The following AXIN2 variants were observed in gnomAD, a reference collection of about 807,000 sequenced individuals.
AXIN2 encodes the protein axin-2.
Under a neutral mutation model 74.7 loss-of-function variants are expected in AXIN2, and 21 were observed. The observed-to-expected ratio is 0.28, with a 90% confidence interval of 0.20 to 0.40. AXIN2 has a LOEUF of 0.40. Among genes scored for constraint, AXIN2 ranks in the 10% least tolerant of loss-of-function variants. The pLI, the probability that AXIN2 is intolerant of heterozygous loss-of-function variation, is 1.00. For missense variants in AXIN2, 1,144 were observed against 1,111.1 expected, an observed-to-expected ratio of 1.03 and a Z score of -0.42; for synonymous variants, 532 against 454.9, an observed-to-expected ratio of 1.17 and a Z score of -2.16.
chr17:65,557,764 A>G, intron 2 of AXIN2, 42 bp downstream of exon 2: 1 of 1,596,746 alleles, frequency 6.3e-7, no homozygotes. Context: ...AACATCTGCA[A>G]AGTCCACAGC....
chr17:65,537,649 G>GA lies in AXIN2; in HGVS notation c.1386_1387insT (p.Arg463SerfsTer165). 2 of 1,573,328 alleles carry GA rather than the reference G, an allele frequency of 1.3e-6. No individual in the cohort carries two copies. Among genetic ancestry groups the GA allele is most frequent in the Non-Finnish European group, 1.7e-6 (2 of 1,161,592 alleles). On this transcript the variant is annotated frameshift_variant, in exon 6 of 11. Coordinates refer to ENST00000307078, the MANE Select transcript of AXIN2 (RefSeq NM_004655.4). LOFTEE classifies it high-confidence loss of function. ...TGGTGGTGGTCCGGGGAGCGGGAGC[G>GA]GGGGCTATAGCGGCCTACGCCTGGA...
rs1598097941 is a variant in AXIN2 at position 65,537,019 on chromosome 17, G to C, written c.1757C>G (p.Thr586Arg). 1.2e-6 allele frequency: 2 copies of C among 1,610,462 alleles called. No homozygotes were observed. The highest frequency in any genetic ancestry group is 1.8e-4 in the Middle Eastern group (1 of 5,692). The change falls in exon 7 of 11, where the codon ACG (threonine) becomes AGG (arginine). Residue 586 changes from threonine (T) to arginine (R), a missense_variant. By Grantham distance (71) the Thr-to-Arg change is moderately conservative (BLOSUM62 -1). Transcript: ENST00000307078. ...STLPKRNGKGTEPGLALPARE... is the reference protein window; with the variant it reads ...STLPKRNGKGREPGLALPARE... ...GGCGGGCAGGGCCAGGCCCGGCTCCGTGCCTTTCCCATTGCGTTTGGGCAA... is the reference window on the plus strand; with the variant it reads ...GGCGGGCAGGGCCAGGCCCGGCTCCCTGCCTTTCCCATTGCGTTTGGGCAA...
intron 2 of AXIN2, among the ~76,000 whole-genome samples, chr17:65,551,265 G>A (rs1169181854): frequency 1.3e-5 from 2 of 150,156 alleles, no homozygotes; most frequent in African/African-American, 4.9e-5. Flanking sequence ...TCATGGTTGA[G>A]CAGGAATTTG....
intron 5 of AXIN2, 76 bp downstream of exon 5, chr17:65,538,127 C>A (rs561118074): frequency 1.9e-6 from 3 of 1,604,052 alleles, no homozygotes; most frequent in Non-Finnish European, 2.6e-6. Context: ...CCCTAACGCA[C>A]CCCATGCACA....
Position 65,558,715 on chromosome 17 carries a change from G to A in AXIN2, c.-95C>T, listed in dbSNP as rs1396587923. 1.6e-5 allele frequency: 21 copies of A among 1,275,094 alleles called. No homozygotes were observed. The highest frequency in any genetic ancestry group is 2.9e-5 in the African/African-American group (2 of 68,024). 79.0% of individuals were successfully genotyped at this position (1,275,094 alleles called of 1,614,324 possible). Reference sequence around the variant, plus strand: ...TCTCTCTGTCTCTCTCAAGTCAGCAGGGGCTCATCTGAACCTCCTCTCTGG... The same window carrying A: ...TCTCTCTGTCTCTCTCAAGTCAGCAAGGGCTCATCTGAACCTCCTCTCTGG... On this transcript the variant is annotated 5_prime_UTR_variant, in exon 2 of 11. Transcript: ENST00000307078.
At position 65,533,896 on chromosome 17, in the gene AXIN2, G is replaced by A. The variant is rs1247453480; in HGVS notation, c.2405+16C>T. On this transcript the variant is annotated intron_variant, in intron 10 of 10. Coordinates refer to ENST00000307078, the MANE Select transcript of AXIN2 (RefSeq NM_004655.4). ...GCAAACAAACTGAGAGCAGAAAAAA[G>A]CCACAGGACTCTTACCTATAATTTC... is the stretch of plus-strand genomic sequence containing the variant. 5.0e-6 allele frequency: 7 copies of A among 1,403,562 alleles called. No individual in the cohort carries two copies. The highest frequency in any genetic ancestry group is 4.4e-5 in the African/African-American group (3 of 68,160). 86.9% of individuals were successfully genotyped at this position (1,403,562 alleles called of 1,614,324 possible).
In AXIN2 at chr17:65,549,521, C is replaced by T. The variant is rs913060347; in HGVS notation, c.955G>A (p.Val319Ile). The T allele has an allele frequency of 8.7e-6, 14 of 1,612,576 alleles. No individual in the cohort carries two copies. In the African/African-American group the frequency reaches 1.5e-4, roughly 17 times the overall value. ...DDSMSMTDSS[V>I]DGIPPYRVGS... ...CGGAAGGGTGGCCAGGATACTCACA[C>T]ACTGCTGTCCGTCATGGACATGGAA... Residue 319 changes from valine (V) to isoleucine (I), a missense_variant and splice_region_variant, in exon 3 of 11, where the codon GTA (valine) becomes ATA (isoleucine). Around this residue, in one of 4 missense-constraint regions of AXIN2, gnomAD observed 1,053 missense variants for 973.5 expected, o/e 1.08. Coordinates refer to ENST00000307078, the MANE Select transcript of AXIN2 (RefSeq NM_004655.4).
At chr17:65,536,188 A>G (rs1005954919) in intron 8 of AXIN2, 132 bp downstream of exon 8, 17 of 930,476 alleles carry the variant, frequency 1.8e-5, no homozygotes, top group African/African-American at 1.3e-4. Context: ...TTACTCATCC[A>G]TAAGTAATTC....
rs2043776415 is a variant in AXIN2, at chr17:65,529,206, AC to A, written c.*769del. 1 of 234,666 alleles carries A rather than the reference AC, an allele frequency of 4.3e-6. No homozygotes were observed. Among genetic ancestry groups the A allele is most frequent in the Non-Finnish European group, 8.4e-6 (1 of 119,030 alleles). 14.5% of individuals were successfully genotyped at this position (234,666 alleles called of 1,614,324 possible). On this transcript the variant is annotated 3_prime_UTR_variant, in exon 11 of 11. Coordinates refer to ENST00000307078, the MANE Select transcript of AXIN2 (RefSeq NM_004655.4). ...AGGGGGAGCCTCAGTCACAGGATCAACCTGGGGCCCGAAGGAGCAGGGTTCC... is the reference window on the plus strand; with the variant it reads ...AGGGGGAGCCTCAGTCACAGGATCAACTGGGGCCCGAAGGAGCAGGGTTCC...
intron 5 of AXIN2, 25 bp downstream of exon 5, chr17:65,538,178 A>G (rs1412889172): frequency 6.2e-7 from 1 of 1,614,066 alleles, no homozygotes; most frequent in Non-Finnish European, 8.5e-7. Flanking sequence ...GGACGGAAGC[A>G]GGAAGAAGGC....
At chr17:65,547,665 T>C (rs181416527) in intron 3 of AXIN2, among the ~76,000 whole-genome samples, 36 of 152,328 alleles carry the variant, frequency 2.4e-4, no homozygotes, top group Non-Finnish European at 4.4e-4. Flanking sequence ...TGACGTAAAC[T>C]GCATTTGACT....
chr17:65,555,115 A>T (rs2044248684), intron 2 of AXIN2, among the ~76,000 whole-genome samples: 1 of 152,198 alleles, frequency 6.6e-6, no homozygotes, highest in Non-Finnish European at 1.5e-5. Flanking sequence ...GTAAGGACAC[A>T]AACAAGTCGT....
At chr17:65,546,095 GCCAGCCCCCCTCC>G (rs2044114674) in intron 3 of AXIN2, among the ~76,000 whole-genome samples, 1 of 118,630 alleles carries the variant, frequency 8.4e-6, no homozygotes, top group South Asian at 3.2e-4. Context: ...CAGCAGGGCA[GCCAGCCCCCCTCC>G]CCAGCCCCTC....
intron 10 of AXIN2, among the ~76,000 whole-genome samples, chr17:65,531,515 A>C (rs943479901): frequency 6.6e-6 from 1 of 152,064 alleles, no homozygotes; most frequent in South Asian, 2.1e-4. Context: ...ACTTCTCCAC[A>C]TAAGAGGCTC....
intron 7 of AXIN2, 155 bp from the exon 8 acceptor site, chr17:65,536,708 G>T: frequency 7.2e-7 from 1 of 1,390,342 alleles, no homozygotes; most frequent in Non-Finnish European, 1.0e-6. Context: ...GCCAAAACAT[G>T]ACATTTTTGT....
rs1014855196 is a variant in AXIN2, at chr17:65,529,884, T to C, written c.*92A>G. The C allele has an allele frequency of 6.8e-5, 109 of 1,606,624 alleles. No homozygotes were observed. Among genetic ancestry groups the C allele is most frequent in the Non-Finnish European group, 9.1e-5 (107 of 1,175,852 alleles). ...TTTGTCTTCTTCATTGGTTTAATTT[T>C]CCTTCAAAATGTTTTGTCGCAGTTG... is the stretch of plus-strand genomic sequence containing the variant. On this transcript the variant is annotated 3_prime_UTR_variant, in exon 11 of 11. Coordinates refer to ENST00000307078, the MANE Select transcript of AXIN2 (RefSeq NM_004655.4).
intron 5 of AXIN2, 52 bp from the exon 6 acceptor site, chr17:65,537,887 G>T: frequency 6.7e-7 from 1 of 1,497,138 alleles, no homozygotes; most frequent in East Asian, 2.4e-5. Context: ...AGAAGGGCCA[G>T]AGGCCCTGGG....
chr17:65,553,344 A>C (rs2044220510), intron 2 of AXIN2, among the ~76,000 whole-genome samples: 1 of 152,148 alleles, frequency 6.6e-6, no homozygotes, highest in East Asian at 1.9e-4. Flanking sequence ...ACACCAAAAA[A>C]GCCAAAACAG....
Position 65,558,731 on chromosome 17 carries a change from T to C in AXIN2, c.-111A>G. 1 of 1,120,564 alleles carries C rather than the reference T, an allele frequency of 8.9e-7. No individual in the cohort carries two copies. Among genetic ancestry groups the C allele is most frequent in the Non-Finnish European group, 1.3e-6 (1 of 769,962 alleles). The allele number at this position is 1,120,564 out of a possible 1,614,324, so 69.4% of individuals were successfully genotyped here. A position where few individuals can be genotyped will look rare whatever the true frequency, so the allele number is the denominator to read the frequency against. ...AAGTCAGCAGGGGCTCATCTGAACC[T>C]CCTCTCTGGAAAGAAAAGGAAGGGG... On this transcript the variant is annotated 5_prime_UTR_variant, in exon 2 of 11. Coordinates refer to ENST00000307078, the MANE Select transcript of AXIN2 (RefSeq NM_004655.4).
Sources: gnomAD v4.1 joint callset for allele counts (sites outside exome capture counted in the v4.1 genomes callset) on GRCh38, gnomAD v4.1.1 for gene constraint, gnomAD v4.1.1 regional missense constraint, MANE v1.5 for transcripts, NCBI Gene and HGNC (gene_info 2026-07-23, HGNC 2026-07-21) for gene names.